Variants in XIRP2 observed in about 807,000 individuals in gnomAD.
XIRP2 encodes xin actin-binding repeat-containing protein 2.
In XIRP2, 236 loss-of-function variants were observed where a neutral mutation model predicts 277.0. That is an observed-to-expected ratio of 0.85 (90% CI 0.77 to 0.95). The LOEUF is 0.95. XIRP2 is among the 40% of genes least tolerant of loss of function. XIRP2 has a pLI of 0.00. For missense variants in XIRP2, 4,640 were observed against 4,157.5 expected (o/e 1.12, Z -3.19); for synonymous variants, 1,490 against 1,416.5 (o/e 1.05, Z -1.17).
At chr2:166,930,653 TAATATA>T (rs1232798871) in intron 2 of XIRP2, among the ~76,000 whole-genome samples, 1 of 152,224 alleles carries the variant, frequency 6.6e-6, no homozygotes, top group Non-Finnish European at 1.5e-5. Context: ...TGATTGACAC[TAATATA>T]ATTATCTGAT....
At chr2:166,913,156 C>A (rs1684759499) in intron 2 of XIRP2, among the ~76,000 whole-genome samples, 1 of 152,214 alleles carries the variant, frequency 6.6e-6, no homozygotes, top group Admixed American at 6.5e-5. Flanking sequence ...TTTAAGTCTG[C>A]AGAAGTTTCT....
At chr2:166,937,663 A>G (rs1175388786) in intron 2 of XIRP2, among the ~76,000 whole-genome samples, 1 of 152,156 alleles carries the variant, frequency 6.6e-6, no homozygotes, top group African/African-American at 2.4e-5. Context: ...TAGTTTCAGA[A>G]GGAATCGTAC....
intron 5 of XIRP2, among the ~76,000 whole-genome samples, chr2:167,222,526 G>A (rs762772366): frequency 2.0e-5 from 3 of 152,118 alleles, no homozygotes; most frequent in South Asian, 2.1e-4. Context: ...CCTCTTTAAG[G>A]GATTATAAGT....
intron 3 of XIRP2, among the ~76,000 whole-genome samples, chr2:167,199,330 G>A (rs912990371): frequency 6.6e-6 from 1 of 152,120 alleles, no homozygotes; most frequent in African/African-American, 2.4e-5. Flanking sequence ...AGATAAGCCT[G>A]CCAGGAAGAC....
intron 2 of XIRP2, among the ~76,000 whole-genome samples, chr2:166,928,573 T>C (rs1170691952): frequency 6.6e-6 from 1 of 152,190 alleles, no homozygotes; most frequent in African/African-American, 2.4e-5. Context: ...TTCTGGGCAC[T>C]GTGATCAAAG....
intron 2 of XIRP2, among the ~76,000 whole-genome samples, chr2:167,028,501 G>A (rs887561786): frequency 6.6e-6 from 1 of 152,054 alleles, no homozygotes; most frequent in African/African-American, 2.4e-5. Flanking sequence ...GTGTTACTGG[G>A]CTTGGGTTGC....
rs531139593 is a variant in XIRP2, at chr2:166,889,456, T to C, written c.-19+899T>C. On this transcript the variant is annotated intron_variant, in intron 1 of 10. Transcript: ENST00000409195. ...CAGGGTAGGTGAGACACAGCAGAGG[T>C]TCTGGCCCAGGTCCCTGGCCTCTCC... 647 of 152,542 alleles carry C rather than the reference T, an allele frequency of 4.2e-3. 2 individuals carry two copies. Among genetic ancestry groups the C allele is most frequent in the Middle Eastern group, 0.034 (10 of 294 alleles). 9.4% of individuals were successfully genotyped at this position (152,542 alleles called of 1,614,324 possible).
intron 2 of XIRP2, among the ~76,000 whole-genome samples, chr2:166,913,779 A>G (rs1305963797): frequency 3.3e-5 from 5 of 152,242 alleles, no homozygotes; most frequent in African/African-American, 9.6e-5. Flanking sequence ...ACTCTCCCAC[A>G]GGTAAGTTTA....
At chr2:167,173,249 A>G (rs994019874) in intron 3 of XIRP2, among the ~76,000 whole-genome samples, 9 of 152,160 alleles carry the variant, frequency 5.9e-5, no homozygotes, top group African/African-American at 2.2e-4. Context: ...GGACCCATTA[A>G]CCATCTTCAC....
chr2:167,086,529 G>C (rs1158606072), intron 2 of XIRP2, among the ~76,000 whole-genome samples: 2 of 151,736 alleles, frequency 1.3e-5, no homozygotes, highest in East Asian at 3.9e-4. Flanking sequence ...ATAATATCCT[G>C]CAGAGTGTTT....
chr2:167,248,579 A>G lies in XIRP2; in HGVS notation c.7187A>G (p.Tyr2396Cys), dbSNP rs376670036. Reference protein sequence around the residue: ...EKHSGDFMQQYSQKEASNSQN... With the variant: ...EKHSGDFMQQCSQKEASNSQN... Reference sequence around the variant, plus strand: ...CACAGTGGAGACTTCATGCAACAATATTCCCAAAAAGAAGCCTCGAACTCT... The same window carrying G: ...CACAGTGGAGACTTCATGCAACAATGTTCCCAAAAAGAAGCCTCGAACTCT... Residue 2396 changes from tyrosine (Y) to cysteine (C), a missense_variant, in exon 9 of 11, where the codon TAT becomes TGT. Tyr to Cys is a radical substitution (Grantham distance 194). Coordinates refer to ENST00000409195, the MANE Select transcript of XIRP2 (RefSeq NM_152381.6). 4 of 1,613,656 alleles carry G rather than the reference A, an allele frequency of 2.5e-6. No homozygotes were observed. Among genetic ancestry groups the G allele is most frequent in the African/African-American group, 1.3e-5 (1 of 74,858 alleles).
chr2:167,037,213 G>A (rs759706987), intron 2 of XIRP2, among the ~76,000 whole-genome samples: 1 of 152,146 alleles, frequency 6.6e-6, no homozygotes, highest in African/African-American at 2.4e-5. Context: ...GCAGCTTATA[G>A]ATATTTACAG....
rs1695310019 is a variant in XIRP2 at position 167,247,390 on chromosome 2, A to C, written c.5998A>C (p.Thr2000Pro). Reference protein sequence around the residue: ...WQGGADTLSQTMGKSCHGNLV... With the variant: ...WQGGADTLSQPMGKSCHGNLV... ...AGGGGGAGCAGATACTCTCAGTCAA[A>C]CTATGGGGAAATCTTGCCATGGCAA... The change falls in exon 9 of 11, where the codon ACT becomes CCT. Residue 2000 changes from threonine to proline, a missense_variant. By Grantham distance (38) the Thr-to-Pro change is conservative (BLOSUM62 -1). Coordinates refer to ENST00000409195, the MANE Select transcript of XIRP2 (RefSeq NM_152381.6). 1 of 1,613,764 alleles carries C rather than the reference A, an allele frequency of 6.2e-7. No homozygotes were observed. Among genetic ancestry groups the C allele is most frequent in the South Asian group, 1.1e-5 (1 of 91,082 alleles).
rs746054429 is a variant in XIRP2 at position 167,241,952 on chromosome 2, C to T, written c.1176+42C>T. 3.2e-6 allele frequency: 5 copies of T among 1,556,654 alleles called. No individual in the cohort carries two copies. In the Admixed American group the frequency reaches 6.1e-5, roughly 19 times the overall value. ...ACACAGAAACATACTAAGTGTAAGA[C>T]CAAGCTTAAATGTGTAACATTTTCA... On this transcript the variant is annotated intron_variant, in intron 8 of 10. Coordinates refer to ENST00000409195, the MANE Select transcript of XIRP2 (RefSeq NM_152381.6).
At chr2:166,916,878 G>A (rs1026915144) in intron 2 of XIRP2, among the ~76,000 whole-genome samples, 7 of 152,116 alleles carry the variant, frequency 4.6e-5, no homozygotes, top group African/African-American at 1.7e-4. Flanking sequence ...AAAATAAGGA[G>A]ATTAATACAC....
intron 2 of XIRP2, among the ~76,000 whole-genome samples, chr2:166,982,547 C>G (rs757068526): frequency 1.3e-5 from 2 of 151,664 alleles, no homozygotes; most frequent in Non-Finnish European, 2.9e-5. Flanking sequence ...TAATTCTGTT[C>G]TTCAGATTTA....
intron 2 of XIRP2, among the ~76,000 whole-genome samples, chr2:167,010,882 G>A (rs1687657265): frequency 6.6e-6 from 1 of 151,916 alleles, no homozygotes; most frequent in Non-Finnish European, 1.5e-5. Context: ...GTCTGTTATT[G>A]GTGTATAAGA....
chr2:167,091,753 T>C (rs530897763), intron 2 of XIRP2, among the ~76,000 whole-genome samples: 1 of 152,256 alleles, frequency 6.6e-6, no homozygotes, highest in African/African-American at 2.4e-5. Context: ...TAATTAATAA[T>C]GTTTTCTACT....
chr2:167,064,512 A>G (rs767078688), intron 2 of XIRP2, among the ~76,000 whole-genome samples: 1 of 151,954 alleles, frequency 6.6e-6, no homozygotes, highest in African/African-American at 2.4e-5. Context: ...CTGTGGTAAA[A>G]TACATATAAC....
Sources: allele counts gnomAD v4.1 joint callset (sites outside exome capture counted in the v4.1 genomes callset), GRCh38; gene constraint gnomAD v4.1.1; transcripts MANE v1.5; gene names NCBI Gene and HGNC (gene_info 2026-07-23, HGNC 2026-07-21).